The following GMCL1 variants were observed in gnomAD, a reference collection of about 807,000 sequenced individuals.
GMCL1 encodes germ cell-less protein-like 1.
GMCL1 carries 54 observed loss-of-function variants against 75.5 expected under a neutral mutation model. The observed-to-expected ratio is 0.71, with a 90% confidence interval of 0.57 to 0.90. GMCL1 has a LOEUF of 0.90. Ranked by LOEUF, GMCL1 falls within the 40% of genes least tolerant of loss-of-function variation. The pLI, the probability that GMCL1 is intolerant of heterozygous loss-of-function variation, is 0.00. For synonymous variants in GMCL1, 210 were observed against 209.6 expected, an observed-to-expected ratio of 1.00 and a Z score of -0.02; for missense variants, 537 against 622.7, an observed-to-expected ratio of 0.86 and a Z score of 1.47.
At chr2:69,867,801 G>A (rs972329939) in intron 11 of GMCL1, among the ~76,000 whole-genome samples, 2 of 152,172 alleles carry the variant, frequency 1.3e-5, no homozygotes, top group African/African-American at 4.8e-5. Flanking sequence ...ACTTGAAGTA[G>A]GTTAGTGCTG....
chr2:69,877,484 T>A (rs1407599350), intron 13 of GMCL1, among the ~76,000 whole-genome samples: 1 of 152,178 alleles, frequency 6.6e-6, no homozygotes, highest in African/African-American at 2.4e-5. Flanking sequence ...ATCAAAACAT[T>A]TGTCCTCAAC....
rs1374119327 is a variant in GMCL1 at position 69,829,861 on chromosome 2, G to A, written c.-32G>A. The A allele has an allele frequency of 5.9e-6, 9 of 1,533,056 alleles. No homozygotes were observed. Among genetic ancestry groups the A allele is most frequent in the Non-Finnish European group, 7.9e-6 (9 of 1,143,878 alleles). 95.0% of individuals were successfully genotyped at this position (1,533,056 alleles called of 1,614,324 possible). On this transcript the variant is annotated 5_prime_UTR_variant, in exon 1 of 14. The change creates a premature stop within an existing upstream ORF in the 5' untranslated region. Coordinates refer to ENST00000282570, the MANE Select transcript of GMCL1 (RefSeq NM_178439.5). ...GCCATGGCGGGAGACCCCCTTCTCT[G>A]GGCTCCCTGAAGTCTCGGGGAGCCG...
At chr2:69,838,336 CAAAAAAAAAAAAAA>C (rs71397366) in intron 2 of GMCL1, among the ~76,000 whole-genome samples, 6 of 31,538 alleles carry the variant, frequency 1.9e-4, no homozygotes, top group African/African-American at 6.4e-4. Context: ...GACTCTGTCT[CAAAAAAAAAAAAAA>C]AAAAAAAAAA....
rs1307411978 is a variant in GMCL1 at position 69,879,555 on chromosome 2, G to A, written c.*551G>A. On this transcript the variant is annotated 3_prime_UTR_variant, in exon 14 of 14. Transcript: ENST00000282570. ...CTCCTTTTAGTCTAATATCTTTCCA[G>A]GTCATACTTGTTTTTAATCATTAAA... is the stretch of plus-strand genomic sequence containing the variant. 6.6e-6 allele frequency: 1 copy of A among 152,050 alleles called. No homozygotes were observed. The highest frequency in any genetic ancestry group is 1.5e-5 in the Non-Finnish European group (1 of 68,002). The allele number at this position is 152,050 out of a possible 1,614,324, so 9.4% of individuals were successfully genotyped here.
intron 11 of GMCL1, among the ~76,000 whole-genome samples, chr2:69,867,106 G>A (rs1212455437): frequency 6.6e-6 from 1 of 151,420 alleles, no homozygotes; most frequent in African/African-American, 2.4e-5. Context: ...CACCACGCCT[G>A]GCTAATTTTT....
chr2:69,847,413 G>C (rs1675185690), intron 6 of GMCL1, 130 bp from the exon 7 acceptor site: 2 of 709,678 alleles, frequency 2.8e-6, no homozygotes, highest in Admixed American at 2.3e-5. Context: ...CTTTGTCTTG[G>C]GCAGAAGGAC....
intron 9 of GMCL1, 103 bp from the exon 10 acceptor site, chr2:69,861,175 A>G: frequency 1.2e-6 from 1 of 829,694 alleles, no homozygotes; most frequent in Non-Finnish European, 1.9e-6. Context: ...GCTATTTTAA[A>G]CTTGTATTTA....
intron 9 of GMCL1, among the ~76,000 whole-genome samples, chr2:69,859,517 C>T (rs1384514973): frequency 6.6e-6 from 1 of 151,676 alleles, no homozygotes; most frequent in Non-Finnish European, 1.5e-5. Context: ...GACATGGTGG[C>T]TCACGCCTGT....
chr2:69,859,078 G>A (rs112475948), intron 9 of GMCL1, among the ~76,000 whole-genome samples: 27 of 150,808 alleles, frequency 1.8e-4, no homozygotes, highest in African/African-American at 6.3e-4. Flanking sequence ...CCTGGGAGGT[G>A]GAGGTTGCTG....
intron 1 of GMCL1, among the ~76,000 whole-genome samples, chr2:69,832,713 T>G (rs1157035636): frequency 6.6e-6 from 1 of 152,244 alleles, no homozygotes; most frequent in African/African-American, 2.4e-5. Flanking sequence ...CAATCTAACC[T>G]TTCAATTAGT....
chr2:69,831,010 C>T (rs1007772525), intron 1 of GMCL1, among the ~76,000 whole-genome samples: 14 of 152,270 alleles, frequency 9.2e-5, no homozygotes, highest in African/African-American at 3.4e-4. Context: ...ACCTCCACCT[C>T]CTGGTTCAAG....
At chr2:69,841,266 T>C (rs1049001665) in intron 4 of GMCL1, among the ~76,000 whole-genome samples, 3 of 152,208 alleles carry the variant, frequency 2.0e-5, no homozygotes, top group African/African-American at 7.2e-5. Context: ...GCCATTTCTG[T>C]GTAGATATCT....
At chr2:69,847,660 G>A (rs1675193996) in intron 7 of GMCL1, 33 bp downstream of exon 7, 1 of 1,300,336 alleles carries the variant, frequency 7.7e-7, no homozygotes, top group Non-Finnish European at 1.1e-6. Flanking sequence ...TATTATACAA[G>A]GATGTCACCT....
Position 69,837,789 on chromosome 2 carries a change from T to C in GMCL1, c.384+119T>C, listed in dbSNP as rs1390957458. The C allele has an allele frequency of 4.2e-6, 5 of 1,190,960 alleles. No homozygotes were observed. In the African/African-American group the frequency reaches 7.9e-5, roughly 19 times the overall value. 73.8% of individuals were successfully genotyped at this position (1,190,960 alleles called of 1,614,324 possible). A position where few individuals can be genotyped will look rare whatever the true frequency, so the allele number is the denominator to read the frequency against. ...ACACCATAGTGGTTAAATCCTCTCA[T>C]TTGATCAGTCTGTAAGAAAAATGGC... On this transcript the variant is annotated intron_variant, in intron 2 of 13. Transcript: ENST00000282570.
chr2:69,838,796 A>G (rs1340407401), intron 2 of GMCL1, among the ~76,000 whole-genome samples: 1 of 152,232 alleles, frequency 6.6e-6, no homozygotes, highest in Non-Finnish European at 1.5e-5. Context: ...TGGAAGATGT[A>G]TTATAATTCA....
intron 9 of GMCL1, among the ~76,000 whole-genome samples, chr2:69,858,366 T>C (rs1044932051): frequency 6.6e-6 from 1 of 152,218 alleles, no homozygotes; most frequent in African/African-American, 2.4e-5. Flanking sequence ...TTAAAATAAG[T>C]GCGGAAACAT....
intron 4 of GMCL1, 120 bp downstream of exon 4, chr2:69,841,159 A>G (rs1053038191): frequency 4.7e-6 from 3 of 637,772 alleles, no homozygotes; most frequent in Non-Finnish European, 8.0e-6. Context: ...AATGAAATGT[A>G]TAAATATGAC....
At position 69,846,558 on chromosome 2, in the gene GMCL1, C is replaced by G. The variant is rs76290883; in HGVS notation, c.759-985C>G. On this transcript the variant is annotated intron_variant, in intron 6 of 13. Coordinates refer to ENST00000282570, the MANE Select transcript of GMCL1 (RefSeq NM_178439.5). ...ATCCCCCACAGATACAGGGGGATGA[C>G]TCTAATTTCTCACTGAACTTTTTGA... Among the ~76,000 whole-genome samples the G allele has an allele frequency of 4.6e-3, 704 of 152,290 alleles. 5 individuals carry two copies. Among genetic ancestry groups the G allele is most frequent in the Non-Finnish European group, 7.4e-3 (502 of 68,018 alleles).
At chr2:69,860,062 C>G (rs1008934084) in intron 9 of GMCL1, among the ~76,000 whole-genome samples, 6 of 152,072 alleles carry the variant, frequency 3.9e-5, no homozygotes, top group African/African-American at 1.4e-4. Context: ...AGTGCATTGG[C>G]ATGTCCAGGG....
Sources: gnomAD v4.1 joint callset for allele counts (sites outside exome capture counted in the v4.1 genomes callset) on GRCh38, gnomAD v4.1.1 for gene constraint, MANE v1.5 for transcripts, NCBI Gene and HGNC (gene_info 2026-07-23, HGNC 2026-07-21) for gene names.